The following PPEF1 variants were observed in gnomAD, a reference collection of about 807,000 sequenced individuals.
PPEF1 encodes serine/threonine-protein phosphatase with EF-hands 1.
PPEF1 carries 12 observed loss-of-function variants against 53.3 expected under a neutral mutation model. The ratio of observed to expected loss-of-function variants is 0.23; its 90% CI spans 0.14 to 0.36. PPEF1 has a LOEUF of 0.36. Ranked by LOEUF, PPEF1 falls within the 10% of genes least tolerant of loss-of-function variation. PPEF1 has a pLI of 1.00. For missense variants in PPEF1, 334 were observed against 490.4 expected, an observed-to-expected ratio of 0.68 and a Z score of 3.01; for synonymous variants, 165 against 176.7, an observed-to-expected ratio of 0.93 and a Z score of 0.52.
At chrX:18,733,638 G>A (rs1027265337) in intron 2 of PPEF1, 110 bp from the exon 3 acceptor site, 7 of 585,724 alleles carry the variant, frequency 1.2e-5, no homozygotes, top group Non-Finnish European at 1.9e-5. Context: ...CAGCAGCTGA[G>A]ATACAAATGC....
At chrX:18,748,279 A>T in intron 3 of PPEF1, among the ~76,000 whole-genome samples, 1 of 112,681 alleles carries the variant, frequency 8.9e-6, no homozygotes, top group Non-Finnish European at 1.9e-5. Flanking sequence ...ATATTTTTTT[A>T]AATTGCCAAA....
chrX:18,682,985 G>A (rs940459774), exon 1 of PPEF1, among the ~76,000 whole-genome samples: 4 of 111,721 alleles, frequency 3.6e-5, no homozygotes, highest in South Asian at 3.8e-4. Flanking sequence ...GCAAAGGGAC[G>A]TCTTACATGC....
chrX:18,762,840 C>T (rs779763521), intron 6 of PPEF1, among the ~76,000 whole-genome samples: 12 of 111,477 alleles, frequency 1.1e-4, no homozygotes, highest in African/African-American at 3.6e-4. Flanking sequence ...AAAGTAATTG[C>T]GGTTTCTGCG....
intron 3 of PPEF1, among the ~76,000 whole-genome samples, chrX:18,744,374 A>G (rs1292066929): frequency 9.0e-6 from 1 of 111,528 alleles, no homozygotes; most frequent in Non-Finnish European, 1.9e-5. Context: ...TTGATGATCA[A>G]TTATAACAGT....
At chrX:18,681,324 C>T (rs2147222397), upstream of PPEF1, among the ~76,000 whole-genome samples, 1 of 112,023 alleles carries the variant, frequency 8.9e-6, no homozygotes, top group East Asian at 2.8e-4. Context: ...TGTTGATTGT[C>T]CCCACCATCC....
At chrX:18,739,054 C>A (rs1420498711) in intron 3 of PPEF1, among the ~76,000 whole-genome samples, 1 of 112,052 alleles carries the variant, frequency 8.9e-6, no homozygotes, top group Non-Finnish European at 1.9e-5. Context: ...TTTTTAACTT[C>A]TTTGCGATGG....
At chrX:18,803,168 C>A (rs2046581252) in intron 10 of PPEF1, among the ~76,000 whole-genome samples, 1 of 112,361 alleles carries the variant, frequency 8.9e-6, no homozygotes, top group African/African-American at 3.2e-5. Flanking sequence ...CTAAAAGTAT[C>A]CCTTATGGGA....
chrX:18,714,657 C>G, intron 1 of PPEF1, among the ~76,000 whole-genome samples: 1 of 112,390 alleles, frequency 8.9e-6, no homozygotes, highest in Non-Finnish European at 1.9e-5. Context: ...TTTGCTGTCA[C>G]CCATTACACC....
intron 5 of PPEF1, among the ~76,000 whole-genome samples, chrX:18,758,238 G>T (rs2045587460): frequency 8.9e-6 from 1 of 112,054 alleles, no homozygotes. Flanking sequence ...TAAATAACAA[G>T]ATTTGAGATT....
At chrX:18,703,547 A>T (rs1352449373), upstream of PPEF1, among the ~76,000 whole-genome samples, 1 of 112,306 alleles carries the variant, frequency 8.9e-6, no homozygotes, top group Non-Finnish European at 1.9e-5. Flanking sequence ...AGGAATATTG[A>T]TTCCTTTGTT....
intron 1 of PPEF1, among the ~76,000 whole-genome samples, chrX:18,728,601 A>T (rs745807286): frequency 6.9e-4 from 76 of 110,641 alleles, no homozygotes; most frequent in African/African-American, 2.4e-3. Flanking sequence ...ACAACATGTC[A>T]CTCTATTTCT....
At chrX:18,695,586 G>A (rs1929670581) in intron 4 of PPEF1, among the ~76,000 whole-genome samples, 2 of 111,777 alleles carry the variant, frequency 1.8e-5, no homozygotes, top group African/African-American at 6.5e-5. Context: ...AGTAGAGTGG[G>A]TAAAATGTCC....
chrX:18,683,961 T>C (rs1480695270), intron 1 of PPEF1, among the ~76,000 whole-genome samples: 1 of 112,360 alleles, frequency 8.9e-6, no homozygotes, highest in Non-Finnish European at 1.9e-5. Flanking sequence ...TTAATGCTAC[T>C]GTTTAGTAGA....
rs112997577 is a variant in PPEF1, at chrX:18,824,201, G to A, written c.1665+115G>A. The A allele has an allele frequency of 4.9e-4, 386 of 782,458 alleles. 1 individual carries two copies. The African/African-American group carries it at 7.0e-3, about 14-fold the overall frequency. 64.5% of individuals were successfully genotyped at this position (782,458 alleles called of 1,213,427 possible). On this transcript the variant is annotated intron_variant, in intron 14 of 15. Coordinates refer to ENST00000470157, the MANE Select transcript of PPEF1 (RefSeq NM_001377996.1). ...TCACGCCTGTAATCCCAGCACTTTC[G>A]GAGGCCAAGGCGGGCAGATCCCGAG...
At chrX:18,758,150 C>A (rs1169368442) in intron 5 of PPEF1, among the ~76,000 whole-genome samples, 1 of 111,763 alleles carries the variant, frequency 8.9e-6, no homozygotes, top group Non-Finnish European at 1.9e-5. Context: ...CCCTTGGCTG[C>A]TGTTTTAGAT....
rs186631340 is a variant in PPEF1, at chrX:18,721,703, A to G, written c.47-8478A>G. The stretch of plus-strand genomic sequence containing the variant: ...AATGACAAAGTCAGAACTTATTTTT[A>G]TTACCCCATGTGGATGGGGTTGGTG... On this transcript the variant is annotated intron_variant, in intron 1 of 15. Coordinates refer to ENST00000470157, the MANE Select transcript of PPEF1 (RefSeq NM_001377996.1). 1.1e-4 allele frequency among the ~76,000 whole-genome samples: 12 copies of G among 111,703 alleles called. No homozygotes were observed. The Admixed American group carries it at 1.1e-3, about 11-fold the overall frequency.
In PPEF1 at chrX:18,759,187, G is replaced by A. The variant is rs181544689; in HGVS notation, c.511+1446G>A. ...GGCACTTATTTCTAGACTTTTTCAC[G>A]TGGCACCATTGGTAGGGGGAAAAGA... is the stretch of plus-strand genomic sequence containing the variant. On this transcript the variant is annotated intron_variant, in intron 5 of 15. Transcript: ENST00000470157. Among the ~76,000 whole-genome samples the A allele has an allele frequency of 3.6e-5, 4 of 111,151 alleles. No homozygotes were observed. In the East Asian group the frequency reaches 1.1e-3, roughly 31 times the overall value.
chrX:18,796,078 C>T (rs1046843155), intron 10 of PPEF1, among the ~76,000 whole-genome samples: 4 of 112,316 alleles, frequency 3.6e-5, no homozygotes, highest in African/African-American at 6.5e-5. Flanking sequence ...GTCTCAGCCT[C>T]TGGAGTAGCT....
chrX:18,799,012 C>T (rs1470983105), intron 10 of PPEF1, among the ~76,000 whole-genome samples: 2 of 111,304 alleles, frequency 1.8e-5, no homozygotes, highest in East Asian at 2.9e-4. Flanking sequence ...CCGAGGCAGG[C>T]GGATCACAAG....
Sources: allele counts gnomAD v4.1 joint callset (sites outside exome capture counted in the v4.1 genomes callset), GRCh38; gene constraint gnomAD v4.1.1; transcripts MANE v1.5; gene names NCBI Gene and HGNC (gene_info 2026-07-23, HGNC 2026-07-21).